The following ZNF626 variants were observed in gnomAD, a reference collection of about 807,000 sequenced individuals.
ZNF626 encodes the protein CTC-513N18.7.
In ZNF626, 4 loss-of-function variants were observed where a neutral mutation model predicts 11.7. The ratio of observed to expected loss-of-function variants is 0.34; its 90% confidence interval spans 0.17 to 0.78. The LOEUF (loss-of-function observed/expected upper bound fraction) is 0.78. ZNF626 is among the 30% of genes least tolerant of loss of function. ZNF626 has a pLI of 0.57. For synonymous variants in ZNF626, 179 were observed against 198.6 expected, an observed-to-expected ratio of 0.90 and a Z score of 0.83; for missense variants, 588 against 587.1, an observed-to-expected ratio of 1.00 and a Z score of -0.01.
chr19:20,652,604 T>A (rs998162559), intron 1 of ZNF626, among the ~76,000 whole-genome samples: 4 of 152,212 alleles, frequency 2.6e-5, no homozygotes, highest in Non-Finnish European at 5.9e-5. Flanking sequence ...TATAGCTACA[T>A]GTGGCAATAG....
chr19:20,633,348 G>A (rs1568456853), intron 3 of ZNF626, among the ~76,000 whole-genome samples: 1 of 151,388 alleles, frequency 6.6e-6, no homozygotes, highest in Non-Finnish European at 1.5e-5. Flanking sequence ...AGAGGTTACT[G>A]CTGTCTTTTT....
chr19:20,651,519 T>G (rs1450115461), intron 1 of ZNF626, among the ~76,000 whole-genome samples: 2 of 152,178 alleles, frequency 1.3e-5, no homozygotes, highest in African/African-American at 4.8e-5. Context: ...AACTCTCATC[T>G]GGGTACCAAC....
At chr19:20,650,098 C>T (rs1220667381) in intron 1 of ZNF626, among the ~76,000 whole-genome samples, 1 of 152,172 alleles carries the variant, frequency 6.6e-6, no homozygotes, top group Non-Finnish European at 1.5e-5. Context: ...GAGTATGATA[C>T]AGAGCACTGT....
At chr19:20,659,770 T>G (rs1197404521) in intron 1 of ZNF626, among the ~76,000 whole-genome samples, 2 of 151,920 alleles carry the variant, frequency 1.3e-5, no homozygotes, top group Admixed American at 1.3e-4. Context: ...GCGTAAAAAG[T>G]GCCTCAAAAC....
At chr19:20,651,816 G>A (rs558053050) in intron 1 of ZNF626, among the ~76,000 whole-genome samples, 8 of 152,310 alleles carry the variant, frequency 5.3e-5, no homozygotes, top group Middle Eastern at 3.4e-3. Context: ...GCTAGCTCTT[G>A]TGTAAGAGAA....
At chr19:20,626,824 G>A (rs1555769811) in intron 3 of ZNF626, among the ~76,000 whole-genome samples, 3 of 152,040 alleles carry the variant, frequency 2.0e-5, no homozygotes, top group African/African-American at 4.8e-5. Flanking sequence ...AAATTAGCCT[G>A]GCCAACATGG....
intron 1 of ZNF626, among the ~76,000 whole-genome samples, chr19:20,649,672 A>G: frequency 6.6e-6 from 1 of 152,228 alleles, no homozygotes; most frequent in East Asian, 1.9e-4. Flanking sequence ...GTTGATAACC[A>G]CGGAGCTAAG....
At chr19:20,626,130 TG>T (rs1447860442) in intron 3 of ZNF626, among the ~76,000 whole-genome samples, 2 of 151,888 alleles carry the variant, frequency 1.3e-5, no homozygotes, top group African/African-American at 4.8e-5. Flanking sequence ...GGTGTGGCGA[TG>T]GGGCACCTGT....
intron 3 of ZNF626, chr19:20,645,171 A>T: frequency 1.0e-6 from 1 of 986,488 alleles, no homozygotes. Context: ...AACAAAGAGG[A>T]AGGATGTCAT....
In ZNF626 at chr19:20,645,758, T is replaced by C. The variant is rs782533385; in HGVS notation, c.152A>G (p.Asp51Gly). 1.1e-5 allele frequency: 17 copies of C among 1,608,636 alleles called. No homozygotes were observed. Among genetic ancestry groups the C allele is most frequent in the Non-Finnish European group, 1.4e-5 (17 of 1,178,740 alleles). The change falls in exon 3 of 4, where the codon GAC becomes GGC. Residue 51 changes from aspartate (D) to glycine (G), a missense_variant. Physicochemically the swap from Asp to Gly is moderately conservative, Grantham distance 94. Transcript: ENST00000601440. ...TCCTTGCTCCAGACAGGTGATCAGG[T>C]CTGGCTTAGAAACAGTAATACCTGT... ...VFLGITVSKPDLITCLEQGRK... is the reference protein window; with the variant it reads ...VFLGITVSKPGLITCLEQGRK...
rs1969759347 is a variant in ZNF626, at chr19:20,621,641, T to C, written c.*2649A>G. The C allele has an allele frequency of 1.3e-5, 2 of 152,158 alleles. No homozygotes were observed. Among genetic ancestry groups the C allele is most frequent in the Non-Finnish European group, 1.5e-5 (1 of 68,040 alleles). 9.4% of individuals were successfully genotyped at this position (152,158 alleles called of 1,614,324 possible). On this transcript the variant is annotated 3_prime_UTR_variant, in exon 4 of 4. Transcript: ENST00000601440. ...CAAAATATTCTCTATAAGACATATATACACATACTATATACTCACAGATAG... is the reference window on the plus strand; with the variant it reads ...CAAAATATTCTCTATAAGACATATACACACATACTATATACTCACAGATAG...
At chr19:20,654,682 C>A (rs1191518473) in intron 1 of ZNF626, among the ~76,000 whole-genome samples, 1 of 151,064 alleles carries the variant, frequency 6.6e-6, no homozygotes, top group Admixed American at 6.6e-5. Context: ...CCAGCCCGGA[C>A]GACAGAGTGA....
At chr19:20,635,644 G>A (rs1555770842) in intron 3 of ZNF626, among the ~76,000 whole-genome samples, 2 of 152,056 alleles carry the variant, frequency 1.3e-5, no homozygotes, top group Admixed American at 1.3e-4. Context: ...TGTTAATTTT[G>A]TTATGTGTTT....
chr19:20,657,572 C>T (rs143856640), intron 1 of ZNF626, among the ~76,000 whole-genome samples: 4 of 152,054 alleles, frequency 2.6e-5, no homozygotes, highest in East Asian at 3.9e-4. Context: ...TTTGGGAGGC[C>T]GAGGTGGGAT....
intron 3 of ZNF626, among the ~76,000 whole-genome samples, chr19:20,638,925 A>T (rs536333000): frequency 6.6e-6 from 1 of 152,316 alleles, no homozygotes; most frequent in Admixed American, 6.5e-5. Context: ...TATGTTATTT[A>T]TTTTGCAAAT....
chr19:20,638,248 C>A (rs1555771108), intron 3 of ZNF626, among the ~76,000 whole-genome samples: 1 of 151,992 alleles, frequency 6.6e-6, no homozygotes, highest in East Asian at 1.9e-4. Flanking sequence ...CACGGTGAAA[C>A]CCTGTCTCTA....
chr19:20,645,286 T>C (rs782204227), intron 3 of ZNF626: 4 of 1,509,596 alleles, frequency 2.6e-6, no homozygotes, highest in Non-Finnish European at 3.5e-6. Flanking sequence ...CTCTCAGACA[T>C]TTCAGATCTG....
At chr19:20,625,693 C>A in intron 3 of ZNF626, 43 bp from the exon 4 acceptor site, 1 of 1,496,886 alleles carries the variant, frequency 6.7e-7, no homozygotes, top group Non-Finnish European at 8.9e-7. Flanking sequence ...TTGGTAGACT[C>A]AGATAAATAT....
chr19:20,659,274 C>T (rs782681884), intron 1 of ZNF626, among the ~76,000 whole-genome samples: 2 of 151,876 alleles, frequency 1.3e-5, no homozygotes, highest in African/African-American at 2.4e-5. Context: ...GAGTCTCGCT[C>T]GGCCACCCAG....
Sources: allele counts gnomAD v4.1 joint callset (sites outside exome capture counted in the v4.1 genomes callset), GRCh38; gene constraint gnomAD v4.1.1; transcripts MANE v1.5; gene names NCBI Gene and HGNC (gene_info 2026-07-23, HGNC 2026-07-21).